RBFOX3: variants seen among roughly 807,000 people sequenced by gnomAD.
The protein encoded by RBFOX3 is RNA binding protein fox-1 homolog 3.
In RBFOX3, 17 loss-of-function variants were observed where a neutral mutation model predicts 48.7. The observed-to-expected ratio is 0.35, with a 90% confidence interval of 0.24 to 0.52. RBFOX3 has a LOEUF of 0.52. Ranked by LOEUF, RBFOX3 falls within the 20% of genes least tolerant of loss-of-function variation. The pLI, the probability that RBFOX3 is intolerant of heterozygous loss-of-function variation, is 0.94. For synonymous variants in RBFOX3, 212 were observed against 209.5 expected (o/e 1.01, Z -0.10); for missense variants, 382 against 497.5 (o/e 0.77, Z 2.21).
In RBFOX3 at chr17:79,352,596, C is replaced by T. The variant is rs2084171426; in HGVS notation, c.-174-44772G>A. ...GTCTCAGATCACATCCCCAACTTAC[C>T]TCTTAAATGTTCCCTCTGGAAAGGT... On this transcript the variant is annotated intron_variant, in intron 2 of 14. Coordinates refer to ENST00000693108, the MANE Select transcript of RBFOX3 (RefSeq NM_001350451.2). Among the ~76,000 whole-genome samples, 5 of 152,208 alleles carry T rather than the reference C, an allele frequency of 3.3e-5. No homozygotes were observed. In the South Asian group the frequency reaches 1.0e-3, roughly 32 times the overall value.
chr17:79,226,920 G>A (rs1479740621), intron 4 of RBFOX3, among the ~76,000 whole-genome samples: 2 of 152,226 alleles, frequency 1.3e-5, no homozygotes, highest in Non-Finnish European at 2.9e-5. Context: ...CAAGTTGCTC[G>A]GGAGGCTCTG....
At chr17:79,639,652 G>A in the RBFOX3 span, among the ~76,000 whole-genome samples, 3 of 152,130 alleles carry the variant, frequency 2.0e-5, no homozygotes, top group African/African-American at 7.2e-5. Context: ...TTATGACCAA[G>A]TGGAATTTAT....
chr17:79,607,927 A>G (rs972245717), intron 1 of RBFOX3, among the ~76,000 whole-genome samples: 93 of 152,322 alleles, frequency 6.1e-4, no homozygotes, highest in African/African-American at 2.1e-3. Flanking sequence ...CGCAGGACAG[A>G]AGGCCCACTC....
chr17:79,655,514 A>G, the RBFOX3 span, among the ~76,000 whole-genome samples: 1 of 152,364 alleles, frequency 6.6e-6, no homozygotes, highest in South Asian at 2.1e-4. Flanking sequence ...GAAAGCCTAA[A>G]GTTTTACCTT....
intron 3 of RBFOX3, among the ~76,000 whole-genome samples, chr17:79,303,132 C>T (rs2075576663): frequency 6.6e-6 from 1 of 152,090 alleles, no homozygotes; most frequent in Admixed American, 6.5e-5. Context: ...TCGCTTGGGC[C>T]TAGGGGTAGA....
chr17:79,648,537 G>A, the RBFOX3 span, among the ~76,000 whole-genome samples: 7 of 152,202 alleles, frequency 4.6e-5, no homozygotes, highest in Admixed American at 3.3e-4. Context: ...AGCAAGCCCT[G>A]CAAACAGCAA....
At chr17:79,503,072 G>A (rs1439694274) in intron 1 of RBFOX3, among the ~76,000 whole-genome samples, 1 of 152,214 alleles carries the variant, frequency 6.6e-6, no homozygotes, top group Non-Finnish European at 1.5e-5. Context: ...CTTACAGACA[G>A]ATGCCTGTTC....
At chr17:79,274,982 C>G (rs2068467313) in intron 3 of RBFOX3, among the ~76,000 whole-genome samples, 1 of 142,146 alleles carries the variant, frequency 7.0e-6, no homozygotes, top group Non-Finnish European at 1.5e-5. Context: ...CCCCACCCCA[C>G]CCCCGTCCCA....
the RBFOX3 span, among the ~76,000 whole-genome samples, chr17:79,617,359 G>A: frequency 2.6e-5 from 4 of 151,670 alleles, no homozygotes; most frequent in East Asian, 1.9e-4. Context: ...CTCTCCCCTC[G>A]TTCCCCTTCC....
At chr17:79,625,268 CT>C in the RBFOX3 span, among the ~76,000 whole-genome samples, 1 of 152,162 alleles carries the variant, frequency 6.6e-6, no homozygotes, top group Non-Finnish European at 1.5e-5. Context: ...ACAGTACATA[CT>C]TCTTTGTTGC....
intron 2 of RBFOX3, among the ~76,000 whole-genome samples, chr17:79,398,425 A>G (rs747114841): frequency 2.6e-5 from 4 of 152,186 alleles, no homozygotes; most frequent in Non-Finnish European, 4.4e-5. Flanking sequence ...AGGAGGACAC[A>G]GCCTGACGAT....
At chr17:79,456,468 C>A (rs1555745018) in intron 2 of RBFOX3, among the ~76,000 whole-genome samples, 3 of 152,184 alleles carry the variant, frequency 2.0e-5, no homozygotes, top group African/African-American at 7.2e-5. Flanking sequence ...TGCCATGCAT[C>A]CCCTGCTGGA....
chr17:79,507,504 C>G (rs992383060), intron 1 of RBFOX3, among the ~76,000 whole-genome samples: 2 of 152,110 alleles, frequency 1.3e-5, no homozygotes, highest in Non-Finnish European at 2.9e-5. Flanking sequence ...ATTCTCAGCC[C>G]CAGGGTGGAG....
chr17:79,622,613 G>A, the RBFOX3 span, among the ~76,000 whole-genome samples: 90 of 152,246 alleles, frequency 5.9e-4, no homozygotes, highest in Admixed American at 1.2e-3. Flanking sequence ...CTCTCAGCTG[G>A]CCGTCCCCTC....
the RBFOX3 span, among the ~76,000 whole-genome samples, chr17:79,646,048 T>G: frequency 3.3e-5 from 5 of 152,276 alleles, no homozygotes; most frequent in East Asian, 9.7e-4. Context: ...TCTCCTGGCC[T>G]CTCCCCCTCC....
At chr17:79,251,293 T>C (rs2063917746) in intron 3 of RBFOX3, among the ~76,000 whole-genome samples, 1 of 152,218 alleles carries the variant, frequency 6.6e-6, no homozygotes, top group African/African-American at 2.4e-5. Context: ...ACCTGGTTAC[T>C]GGTGCCAACG....
At chr17:79,483,494 C>T (rs1389074456) in intron 1 of RBFOX3, among the ~76,000 whole-genome samples, 6 of 117,360 alleles carry the variant, frequency 5.1e-5, no homozygotes, top group African/African-American at 2.1e-4. Flanking sequence ...GAGCTGTGCA[C>T]ATATGGCACC....
chr17:79,348,581 T>C (rs2083310035), intron 2 of RBFOX3, among the ~76,000 whole-genome samples: 1 of 141,776 alleles, frequency 7.1e-6, no homozygotes, highest in Non-Finnish European at 1.5e-5. Flanking sequence ...CTTTTTTTTT[T>C]TTTTTTTTTT....
At chr17:79,378,854 C>T (rs1598438761) in intron 2 of RBFOX3, among the ~76,000 whole-genome samples, 1 of 152,372 alleles carries the variant, frequency 6.6e-6, no homozygotes, top group Non-Finnish European at 1.5e-5. Flanking sequence ...ATGGATCCTG[C>T]TCTCCACAGC....
Sources: gnomAD v4.1 joint callset for allele counts (sites outside exome capture counted in the v4.1 genomes callset) on GRCh38, gnomAD v4.1.1 for gene constraint, MANE v1.5 for transcripts, NCBI Gene and HGNC (gene_info 2026-07-23, HGNC 2026-07-21) for gene names.